Variants in TRPA1 observed in about 807,000 individuals in gnomAD.
TRPA1 encodes the protein ankyrin-like with transmembrane domains 1.
In TRPA1, 129 loss-of-function variants were observed where a neutral mutation model predicts 131.3. The observed-to-expected ratio is 0.98, with a 90% CI of 0.85 to 1.14. TRPA1 has a LOEUF of 1.14. Among genes scored for constraint, TRPA1 ranks in the 50% most tolerant of loss-of-function variants. TRPA1 has a pLI of 0.00. For missense variants in TRPA1, 1,304 were observed against 1,354.2 expected (o/e 0.96, Z 0.58); for synonymous variants, 441 against 451.7 (o/e 0.98, Z 0.30).
At chr8:72,052,800 A>C (rs781006456) in intron 13 of TRPA1, 35 bp from the exon 14 acceptor site, 1 of 1,610,670 alleles carries the variant, frequency 6.2e-7, no homozygotes, top group East Asian at 2.2e-5. Flanking sequence ...AAACGTGGTG[A>C]CAGTGTCTAA....
At chr8:72,047,234 T>C (rs769835236) in intron 15 of TRPA1, 27 bp from the exon 16 acceptor site, 4 of 1,561,856 alleles carry the variant, frequency 2.6e-6, no homozygotes, top group South Asian at 2.2e-5. Flanking sequence ...CCAGCTAAGA[T>C]ATTGGGGCAG....
chr8:72,053,005 GAA>G lies in TRPA1; in HGVS notation c.1645-242_1645-241del, dbSNP rs879760565. On this transcript the variant is annotated intron_variant, in intron 13 of 26. Coordinates refer to ENST00000262209, the MANE Select transcript of TRPA1 (RefSeq NM_007332.3). Reference sequence around the variant, plus strand: ...TGTGTGTGTGTGTGTGAGAGATAGAGAAAGAGAGAGAGAGAGAGAGAGAGAGA... The same window carrying G: ...TGTGTGTGTGTGTGTGAGAGATAGAGAGAGAGAGAGAGAGAGAGAGAGAGA... 1,510 of 306,638 alleles carry G rather than the reference GAA, an allele frequency of 4.9e-3. 21 individuals carry two copies. The highest frequency in any genetic ancestry group is 5.8e-3 in the Non-Finnish European group (986 of 170,484). 19.0% of individuals were successfully genotyped at this position (306,638 alleles called of 1,614,324 possible).
intron 15 of TRPA1, among the ~76,000 whole-genome samples, chr8:72,048,256 G>A (rs1379834512): frequency 6.6e-6 from 1 of 152,016 alleles, no homozygotes; most frequent in Admixed American, 6.6e-5. Flanking sequence ...ATATCACCTA[G>A]CCAGGCTGCC....
Position 72,027,405 on chromosome 8 carries a change from G to A in TRPA1, c.2938-1332C>T, listed in dbSNP as rs188176442. On this transcript the variant is annotated intron_variant, in intron 24 of 26. Coordinates refer to ENST00000262209, the MANE Select transcript of TRPA1 (RefSeq NM_007332.3). ...CTCCTCTAACTGGTGGGGTTTCCATGTTGAAGGGTAAGATGCACGCTGCGG... is the reference window on the plus strand; with the variant it reads ...CTCCTCTAACTGGTGGGGTTTCCATATTGAAGGGTAAGATGCACGCTGCGG... 1.4e-3 allele frequency among the ~76,000 whole-genome samples: 220 copies of A among 152,268 alleles called. 1 individual carries two copies. The highest frequency in any genetic ancestry group is 6.8e-3 in the Middle Eastern group (2 of 294).
At chr8:72,048,549 G>A in intron 15 of TRPA1, among the ~76,000 whole-genome samples, 1 of 152,104 alleles carries the variant, frequency 6.6e-6, no homozygotes, top group East Asian at 1.9e-4. Flanking sequence ...GAAACAGGCA[G>A]GTCTGGTTGT....
At chr8:72,086,976 T>C in the TRPA1 span, among the ~76,000 whole-genome samples, 1 of 152,214 alleles carries the variant, frequency 6.6e-6, no homozygotes, top group African/African-American at 2.4e-5. Flanking sequence ...TTGGTACTTA[T>C]TTAAGTACCA....
intron 24 of TRPA1, among the ~76,000 whole-genome samples, chr8:72,028,616 A>G (rs1811691141): frequency 6.6e-6 from 1 of 152,158 alleles, no homozygotes; most frequent in Admixed American, 6.5e-5. Context: ...ATATACAGCC[A>G]TGTCATAGAA....
chr8:72,059,837 A>G (rs1052018505), intron 7 of TRPA1, among the ~76,000 whole-genome samples: 2 of 152,298 alleles, frequency 1.3e-5, no homozygotes, highest in East Asian at 3.9e-4. Context: ...TGCAGGTTCA[A>G]AAGCCCCTCT....
At chr8:72,050,500 C>T (rs910949398) in intron 15 of TRPA1, among the ~76,000 whole-genome samples, 4 of 152,144 alleles carry the variant, frequency 2.6e-5, no homozygotes, top group Non-Finnish European at 5.9e-5. Context: ...TATACAAAAG[C>T]TTTACCAGCC....
At chr8:72,059,500 T>G in intron 7 of TRPA1, 62 bp from the exon 8 acceptor site, 1 of 1,014,530 alleles carries the variant, frequency 9.9e-7, no homozygotes, top group Non-Finnish European at 1.5e-6. Context: ...AAAATGTATT[T>G]AATAAAGCTA....
In TRPA1 at chr8:72,075,433, G is replaced by C. The variant is rs767155706; in HGVS notation, c.-24C>G. 1.3e-6 allele frequency: 2 copies of C among 1,574,558 alleles called. No individual in the cohort carries two copies. The highest frequency in any genetic ancestry group is 3.3e-5 in the Admixed American group (2 of 59,984). On this transcript the variant is annotated 5_prime_UTR_variant, in exon 1 of 27. Transcript: ENST00000262209. ...ATTGACCCCACCCCGGACGCCACCT[G>C]GTGCAGCTGCTCACCACGCGCGCGG...
chr8:72,070,880 G>C (rs1226883754), intron 2 of TRPA1, among the ~76,000 whole-genome samples: 1 of 152,152 alleles, frequency 6.6e-6, no homozygotes, highest in Non-Finnish European at 1.5e-5. Context: ...CTGGGCCTTT[G>C]AAACTCACTG....
chr8:72,052,828 C>A, intron 13 of TRPA1, 63 bp from the exon 14 acceptor site: 2 of 1,580,816 alleles, frequency 1.3e-6, no homozygotes, highest in Non-Finnish European at 8.7e-7. Context: ...TATTTCACTG[C>A]TTAACTGCTT....
intron 18 of TRPA1, 29 bp from the exon 19 acceptor site, chr8:72,039,056 A>G: frequency 6.2e-7 from 1 of 1,609,752 alleles, no homozygotes; most frequent in Non-Finnish European, 8.5e-7. Flanking sequence ...ACCAGAATTG[A>G]GTCATTTCAA....
At chr8:72,080,375 T>C (rs972687399), upstream of TRPA1, among the ~76,000 whole-genome samples, 2 of 147,550 alleles carry the variant, frequency 1.4e-5, no homozygotes, top group Non-Finnish European at 3.0e-5. Flanking sequence ...TCTACAACTA[T>C]TAAGATGATC....
At chr8:72,068,127 T>TA (rs1805974358) in intron 3 of TRPA1, among the ~76,000 whole-genome samples, 1 of 152,194 alleles carries the variant, frequency 6.6e-6, no homozygotes, top group African/African-American at 2.4e-5. Context: ...ATGCCAGACT[T>TA]AAAGGAGCCA....
rs1812190350 is a variant in TRPA1, at chr8:72,039,842, C to T, written c.2062-45G>A. ...GTAATAAAAACACAATCATAATCAA[C>T]TACTGAGTATAAACTAATCTATTTA... On this transcript the variant is annotated intron_variant, in intron 17 of 26. Coordinates refer to ENST00000262209, the MANE Select transcript of TRPA1 (RefSeq NM_007332.3). The T allele has an allele frequency of 6.5e-6, 8 of 1,235,358 alleles. No homozygotes were observed. The East Asian group carries it at 1.4e-4, about 22-fold the overall frequency. 76.5% of individuals were successfully genotyped at this position (1,235,358 alleles called of 1,614,324 possible).
chr8:72,088,671 A>T, the TRPA1 span, among the ~76,000 whole-genome samples: 1 of 152,076 alleles, frequency 6.6e-6, no homozygotes, highest in South Asian at 2.1e-4. Context: ...CAGATGGAAA[A>T]TTTTGTTTAA....
In TRPA1 at chr8:72,053,804, C is replaced by T. The variant is rs150390849; in HGVS notation, c.1593G>A (p.Lys531=). The change falls in exon 13 of 27, where the codon AAG becomes AAA. Residue 531 remains lysine (K), a synonymous_variant. Transcript: ENST00000262209. ...ACTTCAAATTAGTATCAAGAATGAC[C>T]TTCATGGTCTGAGTGTACCCGCCCA... ...ASMGGYTQTM[K]VILDTNLKCT... The T allele has an allele frequency of 9.8e-5, 158 of 1,612,564 alleles. No individual in the cohort carries two copies. In the African/African-American group the frequency reaches 1.2e-3, roughly 12 times the overall value.
Sources: allele counts gnomAD v4.1 joint callset (sites outside exome capture counted in the v4.1 genomes callset), GRCh38; gene constraint gnomAD v4.1.1; transcripts MANE v1.5; gene names NCBI Gene and HGNC (gene_info 2026-07-23, HGNC 2026-07-21).